NLK: variants seen among roughly 807,000 people sequenced by gnomAD.
The protein encoded by NLK is serine/threonine-protein kinase NLK.
NLK carries 11 observed loss-of-function variants against 59.0 expected under a neutral mutation model. The observed-to-expected ratio is 0.19, with a 90% CI of 0.12 to 0.31. NLK has a LOEUF of 0.31. Among genes scored for constraint, NLK ranks in the 10% least tolerant of loss-of-function variants. The pLI is 1.00. For missense variants in NLK, 410 were observed against 661.1 expected (o/e 0.62, Z 4.16); for synonymous variants, 235 against 235.9 (o/e 1.00, Z 0.03).
chr17:28,115,648 C>T (rs1905731550), intron 1 of NLK, among the ~76,000 whole-genome samples: 1 of 152,126 alleles, frequency 6.6e-6, no homozygotes, highest in Non-Finnish European at 1.5e-5. Flanking sequence ...TATAGAAAAA[C>T]TTTAAAACTA....
In NLK at chr17:28,176,884, C is replaced by T. The variant is rs764626902; in HGVS notation, c.1149+4266C>T. Among the ~76,000 whole-genome samples, 9 of 152,024 alleles carry T rather than the reference C, an allele frequency of 5.9e-5. No individual in the cohort carries two copies. The South Asian group carries it at 6.2e-4, about 11-fold the overall frequency. ...TTTAAAAACACACAAATACAATGGG[C>T]CCTTAAGCAATGCAGGGGCTGGGGT... On this transcript the variant is annotated intron_variant, in intron 7 of 10. Transcript: ENST00000407008.
intron 1 of NLK, among the ~76,000 whole-genome samples, chr17:28,066,917 C>G (rs1909843588): frequency 6.6e-6 from 1 of 152,142 alleles, no homozygotes. Context: ...AGTATCTATT[C>G]AAGCCTTTGC....
intron 1 of NLK, among the ~76,000 whole-genome samples, chr17:28,082,019 G>C (rs946799549): frequency 3.3e-5 from 5 of 152,084 alleles, no homozygotes; most frequent in African/African-American, 1.2e-4. Context: ...TCATCCTCCC[G>C]AGTAGCTCGG....
intron 1 of NLK, among the ~76,000 whole-genome samples, chr17:28,073,541 A>C (rs993428244): frequency 1.3e-5 from 2 of 152,178 alleles, no homozygotes; most frequent in Non-Finnish European, 2.9e-5. Flanking sequence ...CAGCATCTTT[A>C]GATGCTTTTC....
chr17:28,112,381 C>T (rs1392346885), intron 1 of NLK, among the ~76,000 whole-genome samples: 2 of 152,066 alleles, frequency 1.3e-5, no homozygotes, highest in Non-Finnish European at 2.9e-5. Context: ...GCCAGCCTTG[C>T]CCAGGAACTA....
intron 5 of NLK, among the ~76,000 whole-genome samples, chr17:28,164,784 TCATTATTACTTAG>T (rs1908155228): frequency 6.6e-6 from 1 of 152,194 alleles, no homozygotes. Flanking sequence ...ATCAAGACTA[TCATTATTACTTAG>T]GTTGCTGGCG....
intron 7 of NLK, among the ~76,000 whole-genome samples, chr17:28,173,347 T>G (rs1908547621): frequency 1.3e-5 from 2 of 152,208 alleles, no homozygotes; most frequent in Non-Finnish European, 2.9e-5. Flanking sequence ...TTGGTTTCTT[T>G]TGAATTGGAC....
chr17:28,103,597 G>C (rs547216354), intron 1 of NLK, among the ~76,000 whole-genome samples: 1 of 152,296 alleles, frequency 6.6e-6, no homozygotes, highest in African/African-American at 2.4e-5. Flanking sequence ...ACTTTTTGTA[G>C]TTATCACAGT....
chr17:28,089,838 T>A (rs1904421392), intron 1 of NLK, among the ~76,000 whole-genome samples: 3 of 152,324 alleles, frequency 2.0e-5, no homozygotes, highest in African/African-American at 7.2e-5. Flanking sequence ...TATGTCTTCT[T>A]TGCTGAATTA....
intron 3 of NLK, among the ~76,000 whole-genome samples, chr17:28,145,535 G>GTGAA (rs1481515187): frequency 1.3e-5 from 2 of 152,106 alleles, no homozygotes. Flanking sequence ...TGTCCTTTGA[G>GTGAA]TGAATGAGTA....
downstream of NLK, among the ~76,000 whole-genome samples, chr17:28,197,371 C>T (rs574299010): frequency 4.0e-5 from 6 of 151,276 alleles, no homozygotes; most frequent in South Asian, 2.1e-4. Context: ...CAGGAGACTA[C>T]GGCAGGAAAA....
At chr17:28,121,570 T>C (rs1296781921) in intron 1 of NLK, among the ~76,000 whole-genome samples, 1 of 137,094 alleles carries the variant, frequency 7.3e-6, no homozygotes, top group Non-Finnish European at 1.5e-5. Context: ...TCAAGAAATC[T>C]TGGCTAACTG....
chr17:28,180,822 C>T lies in NLK; in HGVS notation c.1150-4357C>T, dbSNP rs969437443. Among the ~76,000 whole-genome samples, 7 of 152,094 alleles carry T rather than the reference C, an allele frequency of 4.6e-5. No homozygotes were observed. The East Asian group carries it at 1.3e-3, about 29-fold the overall frequency. On this transcript the variant is annotated intron_variant, in intron 7 of 10. Coordinates refer to ENST00000407008, the MANE Select transcript of NLK (RefSeq NM_016231.5). ...GAATATCAAATTACTTCACTTTACA[C>T]AATAAAAAAAAATTCTTGTGTAAAA...
chr17:28,179,962 G>A (rs564171896), intron 7 of NLK, among the ~76,000 whole-genome samples: 42 of 138,956 alleles, frequency 3.0e-4, no homozygotes, highest in African/African-American at 1.1e-3. Context: ...TGCTGATATC[G>A]TGGTCCAAAT....
At chr17:28,078,168 G>T (rs1176159075) in intron 1 of NLK, among the ~76,000 whole-genome samples, 1 of 152,094 alleles carries the variant, frequency 6.6e-6, no homozygotes, top group Non-Finnish European at 1.5e-5. Context: ...AAACATATGT[G>T]ATTATTTTCT....
chr17:28,183,647 G>C (rs1438104835), intron 7 of NLK, among the ~76,000 whole-genome samples: 2 of 152,044 alleles, frequency 1.3e-5, no homozygotes, highest in Non-Finnish European at 2.9e-5. Flanking sequence ...TGACTTTATT[G>C]TTATTTGAGT....
chr17:28,147,553 G>A (rs908331758), intron 3 of NLK, among the ~76,000 whole-genome samples: 1 of 152,170 alleles, frequency 6.6e-6, no homozygotes. Flanking sequence ...TCATTGAGGT[G>A]TAGATGGCTG....
intron 3 of NLK, among the ~76,000 whole-genome samples, chr17:28,138,628 C>T (rs1252102321): frequency 1.3e-5 from 2 of 152,176 alleles, no homozygotes; most frequent in Non-Finnish European, 2.9e-5. Context: ...AAACAAAATG[C>T]ATATATGCTT....
intron 1 of NLK, among the ~76,000 whole-genome samples, chr17:28,109,259 G>T (rs1165510770): frequency 1.3e-5 from 2 of 152,090 alleles, no homozygotes; most frequent in African/African-American, 2.4e-5. Context: ...CTATTTGGAT[G>T]AATGGAAAAA....
Sources: gnomAD v4.1 joint callset for allele counts (sites outside exome capture counted in the v4.1 genomes callset) on GRCh38, gnomAD v4.1.1 for gene constraint, MANE v1.5 for transcripts, NCBI Gene and HGNC (gene_info 2026-07-23, HGNC 2026-07-21) for gene names.